Variants in EXOC6B observed in about 807,000 individuals in gnomAD.
The protein encoded by EXOC6B is exocyst complex component 6B, also known as SEC15 homolog B.
In EXOC6B, 54 loss-of-function variants were observed where a neutral mutation model predicts 113.5. The observed-to-expected ratio is 0.48, with a 90% confidence interval of 0.38 to 0.60. EXOC6B has a LOEUF of 0.60. Among genes scored for constraint, EXOC6B ranks in the 20% least tolerant of loss-of-function variants. EXOC6B has a pLI of 0.00. For synonymous variants in EXOC6B, 357 were observed against 339.0 expected, an observed-to-expected ratio of 1.05 and a Z score of -0.58; for missense variants, 797 against 977.5, an observed-to-expected ratio of 0.82 and a Z score of 2.46.
At chr2:72,701,470 A>C (rs1678340927) in intron 6 of EXOC6B, among the ~76,000 whole-genome samples, 1 of 152,164 alleles carries the variant, frequency 6.6e-6, no homozygotes, top group Non-Finnish European at 1.5e-5. Flanking sequence ...TAAACACCTA[A>C]GAAAGGCAGG....
chr2:72,824,387 A>G (rs1446144318), intron 1 of EXOC6B, among the ~76,000 whole-genome samples: 3 of 152,214 alleles, frequency 2.0e-5, no homozygotes, highest in Non-Finnish European at 4.4e-5. Context: ...CCCTCTCTCA[A>G]TAAATGAATA....
At chr2:72,448,358 T>C (rs1696709194) in intron 18 of EXOC6B, among the ~76,000 whole-genome samples, 1 of 152,176 alleles carries the variant, frequency 6.6e-6, no homozygotes, top group Non-Finnish European at 1.5e-5. Context: ...TCTAAGTAAA[T>C]GGTATTCAAG....
chr2:72,688,348 G>T (rs1225608081), intron 6 of EXOC6B, among the ~76,000 whole-genome samples: 4 of 152,198 alleles, frequency 2.6e-5, no homozygotes. Context: ...GACAGGAAAA[G>T]AAGTCAATAA....
At chr2:72,356,996 T>C (rs1434516741) in intron 19 of EXOC6B, among the ~76,000 whole-genome samples, 2 of 152,130 alleles carry the variant, frequency 1.3e-5, no homozygotes, top group African/African-American at 4.8e-5. Flanking sequence ...GACAAAAGGA[T>C]GATTCATTTC....
intron 20 of EXOC6B, among the ~76,000 whole-genome samples, chr2:72,200,472 C>A (rs1482541933): frequency 6.6e-6 from 1 of 152,182 alleles, no homozygotes; most frequent in African/African-American, 2.4e-5. Context: ...TTCCAAAGTG[C>A]TGGGATTACA....
chr2:72,549,319 G>A (rs1703083546), intron 8 of EXOC6B, among the ~76,000 whole-genome samples: 1 of 152,158 alleles, frequency 6.6e-6, no homozygotes, highest in Non-Finnish European at 1.5e-5. Context: ...TGAGAACTGA[G>A]TTAAGGGCTT....
chr2:72,401,576 T>TACAC (rs1693244997), intron 18 of EXOC6B, among the ~76,000 whole-genome samples: 1 of 25,948 alleles, frequency 3.9e-5, no homozygotes, highest in Admixed American at 6.1e-4. Flanking sequence ...CATATATATA[T>TACAC]ATATACATAT....
At chr2:72,595,415 T>A (rs941537662) in intron 6 of EXOC6B, among the ~76,000 whole-genome samples, 1 of 149,716 alleles carries the variant, frequency 6.7e-6, no homozygotes, top group Non-Finnish European at 1.5e-5. Context: ...AAATAAAAAA[T>A]TTTGAAAAAA....
intron 1 of EXOC6B, among the ~76,000 whole-genome samples, chr2:72,824,024 G>C (rs565059738): frequency 6.6e-6 from 1 of 152,106 alleles, no homozygotes; most frequent in South Asian, 2.1e-4. Flanking sequence ...TAAGGCAATG[G>C]GGGTTGGTGG....
intron 20 of EXOC6B, among the ~76,000 whole-genome samples, chr2:72,215,566 C>G (rs925302878): frequency 6.6e-6 from 1 of 152,100 alleles, no homozygotes; most frequent in Non-Finnish European, 1.5e-5. Flanking sequence ...AAGACAGGCA[C>G]CTTCAAACAG....
At chr2:72,199,799 TC>T (rs1344258839) in intron 20 of EXOC6B, among the ~76,000 whole-genome samples, 2 of 152,218 alleles carry the variant, frequency 1.3e-5, no homozygotes, top group African/African-American at 2.4e-5. Context: ...TTTAGTTTGT[TC>T]CATATTATCT....
chr2:72,652,521 T>C (rs1420751682), intron 6 of EXOC6B, among the ~76,000 whole-genome samples: 1 of 151,952 alleles, frequency 6.6e-6, no homozygotes, highest in Non-Finnish European at 1.5e-5. Flanking sequence ...ATTATTAACA[T>C]CTCAGATTCT....
intron 1 of EXOC6B, among the ~76,000 whole-genome samples, chr2:72,788,893 C>T (rs1021210089): frequency 1.3e-5 from 2 of 152,220 alleles, no homozygotes; most frequent in Non-Finnish European, 2.9e-5. Context: ...CAAATTATGA[C>T]CTCATTCTTT....
chr2:72,731,996 C>T (rs1680668595), intron 3 of EXOC6B, among the ~76,000 whole-genome samples: 1 of 152,198 alleles, frequency 6.6e-6, no homozygotes, highest in African/African-American at 2.4e-5. Context: ...TACAGCAAAT[C>T]ATTTGTTTTA....
chr2:72,651,799 GTTATCCAGGGTGGTCTCA>G (rs1441551666), intron 6 of EXOC6B, among the ~76,000 whole-genome samples: 12 of 152,230 alleles, frequency 7.9e-5, no homozygotes, highest in Admixed American at 4.6e-4. Flanking sequence ...GTTTCACTGT[GTTATCCAGGGTGGTCTCA>G]TTATCCAGGG....
intron 1 of EXOC6B, among the ~76,000 whole-genome samples, chr2:72,750,189 A>G (rs1387251607): frequency 6.6e-6 from 1 of 152,000 alleles, no homozygotes; most frequent in African/African-American, 2.4e-5. Context: ...CCCCATGGCC[A>G]AAAGTGACCA....
intron 18 of EXOC6B, 112 bp downstream of exon 18, chr2:72,465,048 T>C (rs560314747): frequency 3.6e-6 from 3 of 835,294 alleles, no homozygotes; most frequent in African/African-American, 3.4e-5. Context: ...TGCGCCTTTA[T>C]ATACTGAAAA....
chr2:72,514,954 G>GACACAC lies in EXOC6B; in HGVS notation c.999+83_999+88dup, dbSNP rs57089571. The GACACAC allele has an allele frequency of 6.3e-4, 558 of 888,378 alleles. 3 individuals carry two copies. The African/African-American group carries it at 7.4e-3, about 12-fold the overall frequency. 55.0% of individuals were successfully genotyped at this position (888,378 alleles called of 1,614,324 possible). A position where few individuals can be genotyped will look rare whatever the true frequency, so the allele number is the denominator to read the frequency against. On this transcript the variant is annotated intron_variant, in intron 9 of 21. Coordinates refer to ENST00000272427, the MANE Select transcript of EXOC6B (RefSeq NM_015189.3). ...GAATGACAGTAAACACACACACACA[G>GACACAC]ACACACACACACACACACACACACA...
intron 20 of EXOC6B, among the ~76,000 whole-genome samples, chr2:72,261,075 A>C (rs886457060): frequency 6.6e-5 from 10 of 152,164 alleles, no homozygotes; most frequent in Non-Finnish European, 1.2e-4. Context: ...AGGCTCCCAG[A>C]ATACAAAGAA....
Sources: gnomAD v4.1 joint callset for allele counts (sites outside exome capture counted in the v4.1 genomes callset) on GRCh38, gnomAD v4.1.1 for gene constraint, MANE v1.5 for transcripts, NCBI Gene and HGNC (gene_info 2026-07-23, HGNC 2026-07-21) for gene names.